CPNE8: variants seen among roughly 807,000 people sequenced by gnomAD.
The protein encoded by CPNE8 is copine 8, also known as copine-8.
A neutral mutation model predicts 81.5 loss-of-function variants in CPNE8; 45 were observed. The observed-to-expected ratio is 0.55, with a 90% confidence interval of 0.44 to 0.71. The LOEUF is 0.71. Ranked by LOEUF, CPNE8 falls within the 30% of genes least tolerant of loss-of-function variation. The pLI is 0.00. For synonymous variants in CPNE8, 252 were observed against 226.3 expected, an observed-to-expected ratio of 1.11 and a Z score of -1.02; for missense variants, 594 against 672.1, an observed-to-expected ratio of 0.88 and a Z score of 1.28.
At chr12:38,839,792 T>C (rs1943439534) in intron 5 of CPNE8, 124 bp downstream of exon 5, 2 of 918,402 alleles carry the variant, frequency 2.2e-6, no homozygotes, top group African/African-American at 3.4e-5. Flanking sequence ...AAATGTTACT[T>C]ATTTTCTATG....
intron 3 of CPNE8, among the ~76,000 whole-genome samples, chr12:38,863,571 A>AT (rs1264658012): frequency 2.4e-4 from 37 of 152,376 alleles, no homozygotes; most frequent in African/African-American, 8.9e-4. Context: ...AACAAATAGT[A>AT]GCAAAGCCTA....
chr12:38,772,928 T>TACACACACAC (rs36058381), intron 7 of CPNE8, among the ~76,000 whole-genome samples: 13 of 150,884 alleles, frequency 8.6e-5, no homozygotes, highest in Non-Finnish European at 1.5e-4. Context: ...ATAAAATTTA[T>TACACACACAC]ACACACACAC....
intron 4 of CPNE8, among the ~76,000 whole-genome samples, chr12:38,844,848 AT>A (rs1198387508): frequency 6.6e-6 from 1 of 152,204 alleles, no homozygotes; most frequent in Non-Finnish European, 1.5e-5. Flanking sequence ...CTTTTATAAA[AT>A]CAACAGGCAT....
chr12:38,745,863 A>T (rs1304105037), intron 10 of CPNE8, among the ~76,000 whole-genome samples: 2 of 152,206 alleles, frequency 1.3e-5, no homozygotes, highest in Non-Finnish European at 2.9e-5. Flanking sequence ...ATGCTATTCC[A>T]GAATGAGTTT....
intron 19 of CPNE8, among the ~76,000 whole-genome samples, chr12:38,662,108 C>A (rs181414994): frequency 1.7e-3 from 257 of 152,186 alleles, no homozygotes; most frequent in African/African-American, 6.0e-3. Context: ...GAGAAAGATG[C>A]CCATTTTCGC....
intron 14 of CPNE8, among the ~76,000 whole-genome samples, chr12:38,700,341 C>A (rs984897749): frequency 6.7e-6 from 1 of 149,828 alleles, no homozygotes; most frequent in South Asian, 2.1e-4. Flanking sequence ...CAGGTTCAAG[C>A]GATTCTCCTG....
intron 11 of CPNE8, among the ~76,000 whole-genome samples, chr12:38,725,256 CT>C (rs1300408141): frequency 6.6e-6 from 1 of 152,070 alleles, no homozygotes; most frequent in Non-Finnish European, 1.5e-5. Flanking sequence ...AGTGACATAA[CT>C]TTAAAAATTA....
intron 3 of CPNE8, among the ~76,000 whole-genome samples, chr12:38,865,893 T>C (rs1016370247): frequency 9.2e-5 from 14 of 152,218 alleles, no homozygotes; most frequent in African/African-American, 3.1e-4. Context: ...ACAGAGCTAA[T>C]AGACTTCAAC....
intron 1 of CPNE8, among the ~76,000 whole-genome samples, chr12:38,900,383 C>T (rs1361496094): frequency 6.6e-6 from 1 of 152,212 alleles, no homozygotes; most frequent in East Asian, 1.9e-4. Flanking sequence ...AATCCCTCTT[C>T]CCACATTAGA....
At chr12:38,705,444 A>G (rs1940080550) in intron 13 of CPNE8, among the ~76,000 whole-genome samples, 1 of 152,150 alleles carries the variant, frequency 6.6e-6, no homozygotes, top group Non-Finnish European at 1.5e-5. Context: ...AACAAAAACT[A>G]GTATAGATTC....
intron 7 of CPNE8, among the ~76,000 whole-genome samples, chr12:38,772,205 A>AC (rs1024935125): frequency 6.6e-6 from 1 of 152,160 alleles, no homozygotes; most frequent in African/African-American, 2.4e-5. Flanking sequence ...GAAAGCCCTT[A>AC]CCACAAGCCA....
At chr12:38,724,078 A>G (rs765742011) in intron 12 of CPNE8, among the ~76,000 whole-genome samples, 7 of 152,202 alleles carry the variant, frequency 4.6e-5, no homozygotes, top group Non-Finnish European at 7.4e-5. Flanking sequence ...CATGAAAATT[A>G]TCTACAAGGA....
chr12:38,784,740 G>GA (rs965747141), intron 6 of CPNE8, among the ~76,000 whole-genome samples: 52 of 147,810 alleles, frequency 3.5e-4, no homozygotes, highest in South Asian at 1.3e-3. Context: ...AATGCTGAAG[G>GA]AAAAAAAAAA....
intron 6 of CPNE8, among the ~76,000 whole-genome samples, chr12:38,823,157 A>G (rs1418856242): frequency 1.3e-5 from 2 of 152,122 alleles, no homozygotes; most frequent in Non-Finnish European, 2.9e-5. Flanking sequence ...CTTCAAGCCA[A>G]CCCTGTAAGT....
At chr12:38,817,023 G>A (rs374279545) in intron 6 of CPNE8, among the ~76,000 whole-genome samples, 5 of 152,106 alleles carry the variant, frequency 3.3e-5, no homozygotes, top group Non-Finnish European at 5.9e-5. Context: ...TTAAATAAAC[G>A]AATGAATGAA....
chr12:38,807,999 A>G (rs1481687323), intron 6 of CPNE8, among the ~76,000 whole-genome samples: 7 of 152,214 alleles, frequency 4.6e-5, no homozygotes, highest in African/African-American at 7.2e-5. Context: ...AACACATGGA[A>G]AAATGCTCAT....
rs150556116 is a variant in CPNE8 at position 38,835,523 on chromosome 12, T to C, written c.330+4393A>G. On this transcript the variant is annotated intron_variant, in intron 5 of 19. Coordinates refer to ENST00000331366, the MANE Select transcript of CPNE8 (RefSeq NM_153634.3). The stretch of plus-strand genomic sequence containing the variant: ...AGCTGCTTTAGGAGAGAGGCCTTGT[T>C]TGTCTTATTCATTGCTATATTCCCC... Among the ~76,000 whole-genome samples, 1,427 of 152,342 alleles carry C rather than the reference T, an allele frequency of 9.4e-3. 20 individuals are homozygous for C. The highest frequency in any genetic ancestry group is 0.04 in the South Asian group (194 of 4,828).
chr12:38,719,622 A>G (rs1203025162), intron 13 of CPNE8, among the ~76,000 whole-genome samples: 3 of 151,202 alleles, frequency 2.0e-5, no homozygotes, highest in South Asian at 2.1e-4. Context: ...AATTGTGCCA[A>G]TTGCTCTTAA....
intron 6 of CPNE8, among the ~76,000 whole-genome samples, chr12:38,808,301 C>T (rs1592110248): frequency 1.3e-5 from 2 of 152,090 alleles, no homozygotes; most frequent in South Asian, 2.1e-4. Context: ...GACACATGCA[C>T]ACGTATGTTT....
Sources: gnomAD v4.1 joint callset for allele counts (sites outside exome capture counted in the v4.1 genomes callset) on GRCh38, gnomAD v4.1.1 for gene constraint, MANE v1.5 for transcripts, NCBI Gene and HGNC (gene_info 2026-07-23, HGNC 2026-07-21) for gene names.